BEND3: variants seen among roughly 807,000 people sequenced by gnomAD.
BEND3 encodes BEN domain-containing protein 3.
BEND3 carries 13 observed loss-of-function variants against 60.1 expected under a neutral mutation model. The ratio of observed to expected loss-of-function variants is 0.22; its 90% confidence interval spans 0.14 to 0.34. The LOEUF (loss-of-function observed/expected upper bound fraction) is 0.34. BEND3 is among the 10% of genes least tolerant of loss of function. BEND3 has a pLI of 1.00. For missense variants in BEND3, 896 were observed against 1,138.1 expected (o/e 0.79, Z 3.06); for synonymous variants, 497 against 491.5 (o/e 1.01, Z -0.15).
chr6:107,086,850 C>T (rs1345787305), intron 3 of BEND3, among the ~76,000 whole-genome samples: 1 of 151,542 alleles, frequency 6.6e-6, no homozygotes, highest in Non-Finnish European at 1.5e-5. Flanking sequence ...CATGGTAAAA[C>T]CCCGTCTCTA....
At chr6:107,086,130 C>T (rs1376514255) in intron 3 of BEND3, among the ~76,000 whole-genome samples, 3 of 152,158 alleles carry the variant, frequency 2.0e-5, no homozygotes, top group Non-Finnish European at 4.4e-5. Flanking sequence ...AACTATTTAA[C>T]GTGAGCTAAA....
intron 3 of BEND3, among the ~76,000 whole-genome samples, chr6:107,091,208 T>C (rs781956337): frequency 1.3e-5 from 2 of 151,576 alleles, no homozygotes; most frequent in Non-Finnish European, 2.9e-5. Context: ...ATTGAAGGCA[T>C]ATAATAGAAA....
intron 3 of BEND3, among the ~76,000 whole-genome samples, chr6:107,085,172 A>G (rs1241355810): frequency 2.6e-5 from 4 of 152,206 alleles, no homozygotes; most frequent in South Asian, 2.1e-4. Context: ...TCCTGAAGTC[A>G]GCGAGACCAC....
chr6:107,081,353 T>C (rs563313400), intron 3 of BEND3, among the ~76,000 whole-genome samples: 6 of 151,980 alleles, frequency 3.9e-5, no homozygotes, highest in African/African-American at 1.4e-4. Flanking sequence ...TCCGAGTAAC[T>C]GGGATTACAG....
chr6:107,092,354 G>A (rs896298403), intron 3 of BEND3, among the ~76,000 whole-genome samples: 14 of 151,942 alleles, frequency 9.2e-5, no homozygotes, highest in African/African-American at 3.4e-4. Flanking sequence ...ATCCACCACA[G>A]CAACAGGGTA....
chr6:107,069,261 G>A lies in BEND3; in HGVS notation c.1930C>T (p.Arg644Trp), dbSNP rs1395657362. 5 of 1,611,622 alleles carry A rather than the reference G, an allele frequency of 3.1e-6. No homozygotes were observed. The highest frequency in any genetic ancestry group is 1.3e-5 in the African/African-American group (1 of 75,018). The change falls in exon 4 of 4, where the codon CGG becomes TGG. Residue 644 changes from arginine (R) to tryptophan (W), a missense_variant. Physicochemically the swap from Arg to Trp is moderately radical, Grantham distance 101. Transcript: ENST00000369042. The part of the protein sequence containing the change: ...EFVGKLDERC[R>W]RRDTEQRRSY... ...CGCCTTTGCTCCGTGTCCCGGCGCC[G>A]GCAGCGCTCATCCAGTTTGCCCACG...
chr6:107,069,661 C>A lies in BEND3; in HGVS notation c.1530G>T (p.Val510=), dbSNP rs782820951. ...DSSSLPDDIS[V]VKVEDSFEGE... Reference sequence around the variant, plus strand: ...CCTCGAAGCTGTCCTCCACCTTGACCACTGAGATGTCGTCGGGCAGACTGG... The same window carrying A: ...CCTCGAAGCTGTCCTCCACCTTGACAACTGAGATGTCGTCGGGCAGACTGG... The change falls in exon 4 of 4, where the codon GTG becomes GTT. Residue 510 remains valine, a synonymous_variant. Transcript: ENST00000369042. The A allele has an allele frequency of 6.2e-7, 1 of 1,610,058 alleles. No individual in the cohort carries two copies. Among genetic ancestry groups the A allele is most frequent in the South Asian group, 1.1e-5 (1 of 91,090 alleles).
intron 3 of BEND3, among the ~76,000 whole-genome samples, chr6:107,081,386 A>G (rs1554233530): frequency 6.6e-6 from 1 of 151,532 alleles, no homozygotes; most frequent in African/African-American, 2.4e-5. Context: ...ACGCCTGGCT[A>G]ATTTTTGGTA....
chr6:107,090,182 C>T (rs1474237908), intron 3 of BEND3, among the ~76,000 whole-genome samples: 4 of 152,010 alleles, frequency 2.6e-5, no homozygotes, highest in Non-Finnish European at 5.9e-5. Context: ...AACCCTGTCT[C>T]TACTAAAAAT....
chr6:107,074,159 T>TAA (rs1264695541), intron 3 of BEND3, among the ~76,000 whole-genome samples: 1 of 152,226 alleles, frequency 6.6e-6, no homozygotes, highest in Non-Finnish European at 1.5e-5. Context: ...CTCATGCCTG[T>TAA]AATCCCAGCA....
At chr6:107,092,631 A>G (rs959430797) in intron 3 of BEND3, among the ~76,000 whole-genome samples, 1 of 147,704 alleles carries the variant, frequency 6.8e-6, no homozygotes, top group African/African-American at 2.5e-5. Context: ...TAGGTAATGC[A>G]ATAAGAAAAG....
At chr6:107,096,990 AAAACAAAC>A (rs782248437) in intron 3 of BEND3, among the ~76,000 whole-genome samples, 1 of 152,100 alleles carries the variant, frequency 6.6e-6, no homozygotes, top group African/African-American at 2.4e-5. Context: ...GTCTCAGACA[AAAACAAAC>A]AAACAAACAA....
chr6:107,106,591 G>T (rs1319441777), intron 1 of BEND3, among the ~76,000 whole-genome samples: 2 of 152,112 alleles, frequency 1.3e-5, no homozygotes, highest in African/African-American at 4.8e-5. Context: ...ATGAAACCCT[G>T]GCTTTTAATC....
At position 107,068,413 on chromosome 6, in the gene BEND3, A is replaced by C. The variant is rs541624468; in HGVS notation, c.*291T>G. The C allele has an allele frequency of 2.4e-5, 8 of 338,980 alleles. No individual in the cohort carries two copies. In the South Asian group the frequency reaches 5.2e-4, roughly 22 times the overall value. 21.0% of individuals were successfully genotyped at this position (338,980 alleles called of 1,614,324 possible). On this transcript the variant is annotated 3_prime_UTR_variant, in exon 4 of 4. Coordinates refer to ENST00000369042, the MANE Select transcript of BEND3 (RefSeq NM_001367314.1). The surrounding 1 kb of genome is among the most constrained non-coding windows in gnomAD (Gnocchi z 5.8). ...GGGGCTGGGGAGGGCACAACCAGGG[A>C]GAGAGGACCCCTAACCTCTGGTCCC... is the stretch of plus-strand genomic sequence containing the variant.
At chr6:107,071,266 T>C (rs1554232021) in intron 3 of BEND3, among the ~76,000 whole-genome samples, 2 of 152,202 alleles carry the variant, frequency 1.3e-5, no homozygotes, top group African/African-American at 4.8e-5. Flanking sequence ...CTGGCAATAC[T>C]GGGCAAGAAC....
At chr6:107,073,427 G>T (rs1554232383) in intron 3 of BEND3, among the ~76,000 whole-genome samples, 2 of 150,822 alleles carry the variant, frequency 1.3e-5, no homozygotes, top group African/African-American at 2.4e-5. Flanking sequence ...GGGTCTCCTT[G>T]CCAAGCTGTC....
intron 3 of BEND3, among the ~76,000 whole-genome samples, chr6:107,072,204 C>A (rs73519799): frequency 6.6e-6 from 1 of 152,310 alleles, no homozygotes; most frequent in African/African-American, 2.4e-5. Flanking sequence ...TGGACAAGAA[C>A]AAACGGCATC....
intron 1 of BEND3, among the ~76,000 whole-genome samples, chr6:107,109,823 G>A (rs1249375999): frequency 1.3e-5 from 2 of 151,834 alleles, no homozygotes; most frequent in African/African-American, 2.4e-5. Context: ...GCAGTGAGCC[G>A]GGATCATGCC....
intron 1 of BEND3, among the ~76,000 whole-genome samples, chr6:107,111,981 C>CA (rs57840795): frequency 2.7e-4 from 39 of 145,314 alleles, no homozygotes; most frequent in African/African-American, 9.4e-4. Flanking sequence ...GACTCCGTTT[C>CA]AAAAAAAAAA....
Sources: allele counts gnomAD v4.1 joint callset (sites outside exome capture counted in the v4.1 genomes callset), GRCh38; gene constraint gnomAD v4.1.1; non-coding constraint Gnocchi (gnomAD v3.1); transcripts MANE v1.5; gene names NCBI Gene and HGNC (gene_info 2026-07-23, HGNC 2026-07-21).